Variants in TMPRSS11E observed in about 807,000 individuals in gnomAD.
The protein encoded by TMPRSS11E is transmembrane protease serine 11E.
TMPRSS11E carries 38 observed loss-of-function variants against 48.1 expected under a neutral mutation model. The observed-to-expected ratio is 0.79, with a 90% CI of 0.61 to 1.04. The LOEUF (loss-of-function observed/expected upper bound fraction) is 1.04. Ranked by LOEUF, TMPRSS11E falls within the 50% of genes least tolerant of loss-of-function variation. TMPRSS11E has a pLI of 0.00. For synonymous variants in TMPRSS11E, 158 were observed against 171.9 expected (o/e 0.92, Z 0.63); for missense variants, 530 against 510.8 (o/e 1.04, Z -0.36).
In TMPRSS11E at chr4:68,476,439, G is replaced by C. The variant is rs140473804; in HGVS notation, c.707+1G>C. The C allele has an allele frequency of 4.8e-5, 77 of 1,605,630 alleles. No individual in the cohort carries two copies. The highest frequency in any genetic ancestry group is 3.3e-4 in the Middle Eastern group (2 of 6,022). On this transcript the variant is annotated splice_donor_variant, in intron 7 of 9. Coordinates refer to ENST00000305363, the MANE Select transcript of TMPRSS11E (RefSeq NM_014058.4). LOFTEE classifies it high-confidence loss of function. ...TGAGTGCTGCTCACTGTTTTACAAC[G>C]TAAGTCTTGAAGCTTGAGAATGATT...
intron 1 of TMPRSS11E, among the ~76,000 whole-genome samples, chr4:68,460,898 T>G (rs1198627443): frequency 3.3e-5 from 5 of 151,234 alleles, no homozygotes; most frequent in African/African-American, 1.2e-4. Context: ...TTTTTTTTTT[T>G]AAGACGGAGT....
intron 9 of TMPRSS11E, among the ~76,000 whole-genome samples, chr4:68,489,406 G>T (rs1461833248): frequency 6.6e-6 from 1 of 152,178 alleles, no homozygotes; most frequent in Non-Finnish European, 1.5e-5. Flanking sequence ...ACTTTGGCGG[G>T]GTGGCAGTGG....
At position 68,472,918 on chromosome 4, in the gene TMPRSS11E, T is replaced by C. The variant is rs565913649; in HGVS notation, c.490+1295T>C. On this transcript the variant is annotated intron_variant, in intron 5 of 9. Coordinates refer to ENST00000305363, the MANE Select transcript of TMPRSS11E (RefSeq NM_014058.4). ...AAATTAAATTTGTAGATTACTAATA[T>C]GAGTTTAATTGTTTATATCATGCAA... 2.6e-5 allele frequency among the ~76,000 whole-genome samples: 4 copies of C among 152,240 alleles called. No individual in the cohort carries two copies. The South Asian group carries it at 8.3e-4, about 32-fold the overall frequency.
chr4:68,477,411 A>T lies in TMPRSS11E; in HGVS notation c.750A>T (p.Thr250=), dbSNP rs374260547. ...GATGGACTGCTTCCTTTGGAGTAAC[A>T]ATAAAACCTTCGAAAATGAAACGGG... is the stretch of plus-strand genomic sequence containing the variant. ...PARWTASFGV[T]IKPSKMKRGL... The change falls in exon 8 of 10, where the codon ACA becomes ACT. Residue 250 remains threonine (T), a synonymous_variant. Transcript: ENST00000305363. 6.2e-7 allele frequency: 1 copy of T among 1,614,110 alleles called. No homozygotes were observed. Among genetic ancestry groups the T allele is most frequent in the Non-Finnish European group, 8.5e-7 (1 of 1,179,968 alleles).
intron 9 of TMPRSS11E, among the ~76,000 whole-genome samples, 193 bp downstream of exon 9, chr4:68,479,184 T>A (rs1205098839): frequency 6.6e-6 from 1 of 152,194 alleles, no homozygotes; most frequent in African/African-American, 2.4e-5. Context: ...GTACAAAGTA[T>A]GTGTCTAATT....
intron 1 of TMPRSS11E, 79 bp downstream of exon 1, chr4:68,447,602 G>A: frequency 9.0e-7 from 1 of 1,105,576 alleles, no homozygotes; most frequent in Non-Finnish European, 1.3e-6. Flanking sequence ...ACCAAGGAAT[G>A]TGTAGATCTA....
chr4:68,448,255 C>T (rs1364588321), intron 1 of TMPRSS11E, among the ~76,000 whole-genome samples: 1 of 151,882 alleles, frequency 6.6e-6, no homozygotes, highest in African/African-American at 2.4e-5. Flanking sequence ...ACTTTGAGAA[C>T]AGTTTGAAAA....
chr4:68,474,757 C>A lies in TMPRSS11E; in HGVS notation c.525C>A (p.Asn175Lys). 1 of 1,600,064 alleles carries A rather than the reference C, an allele frequency of 6.2e-7. No homozygotes were observed. Among genetic ancestry groups the A allele is most frequent in the Non-Finnish European group, 8.5e-7 (1 of 1,175,676 alleles). Residue 175 changes from asparagine (N) to lysine (K), a missense_variant, in exon 6 of 10, where the codon AAC becomes AAA. Coordinates refer to ENST00000305363, the MANE Select transcript of TMPRSS11E (RefSeq NM_014058.4). ...AGACAGAAACAGACAGCTATCTAAA[C>A]CATTGTAAGTTTAATATATTTATTA... The part of the protein sequence containing the change: ...INKTETDSYL[N>K]HCCGTRRSKT...
intron 1 of TMPRSS11E, among the ~76,000 whole-genome samples, chr4:68,459,191 A>C (rs774112061): frequency 1.3e-5 from 2 of 152,142 alleles, no homozygotes; most frequent in Admixed American, 6.5e-5. Flanking sequence ...TCAGGAGAGC[A>C]TGTCACTAAA....
intron 1 of TMPRSS11E, among the ~76,000 whole-genome samples, chr4:68,459,552 C>T (rs2109669727): frequency 6.6e-6 from 1 of 152,218 alleles, no homozygotes; most frequent in African/African-American, 2.4e-5. Context: ...ACATGAAATG[C>T]ATATTATTCT....
chr4:68,473,327 G>A lies in TMPRSS11E; in HGVS notation c.491-1396G>A, dbSNP rs1409739562. Among the ~76,000 whole-genome samples the A allele has an allele frequency of 2.0e-5, 3 of 152,150 alleles. No individual in the cohort carries two copies. The East Asian group carries it at 5.8e-4, about 29-fold the overall frequency. On this transcript the variant is annotated intron_variant, in intron 5 of 9. Transcript: ENST00000305363. Reference sequence around the variant, plus strand: ...CTATTGTCTTTTCTATGGGTTCTAAGCAAGTTTTGGTTCAAACAGAAAACA... The same window carrying A: ...CTATTGTCTTTTCTATGGGTTCTAAACAAGTTTTGGTTCAAACAGAAAACA...
At chr4:68,467,667 G>A (rs935067514) in intron 3 of TMPRSS11E, among the ~76,000 whole-genome samples, 4 of 152,162 alleles carry the variant, frequency 2.6e-5, no homozygotes, top group Non-Finnish European at 5.9e-5. Flanking sequence ...AAGAATGGAA[G>A]TGAGACCCTG....
intron 9 of TMPRSS11E, among the ~76,000 whole-genome samples, chr4:68,487,811 G>C (rs1729601244): frequency 1.3e-5 from 2 of 151,652 alleles, no homozygotes; most frequent in South Asian, 4.2e-4. Flanking sequence ...CATGCTAATG[G>C]GCGCCTGTAA....
intron 5 of TMPRSS11E, among the ~76,000 whole-genome samples, chr4:68,471,942 G>A (rs2045098): frequency 0.4 from 60,287 of 151,596 alleles, 13,026 homozygotes; most frequent in Middle Eastern, 0.57. Flanking sequence ...CTTTCATTGT[G>A]TGTTCTGAGG....
chr4:68,479,246 G>C (rs1386618683), intron 9 of TMPRSS11E, among the ~76,000 whole-genome samples: 1 of 152,036 alleles, frequency 6.6e-6, no homozygotes, highest in Non-Finnish European at 1.5e-5. Flanking sequence ...CTACAGTTAA[G>C]ATGAAGAACT....
At chr4:68,462,069 G>T (rs1728806001) in intron 2 of TMPRSS11E, 124 bp downstream of exon 2, 4 of 1,237,166 alleles carry the variant, frequency 3.2e-6, no homozygotes, top group African/African-American at 1.5e-5. Context: ...CTGTACAAAG[G>T]GATCTTTACC....
intron 9 of TMPRSS11E, among the ~76,000 whole-genome samples, chr4:68,489,303 G>A (rs915226400): frequency 6.6e-6 from 1 of 152,176 alleles, no homozygotes; most frequent in African/African-American, 2.4e-5. Flanking sequence ...GTCTGAGGCG[G>A]TTTTCTCTAG....
At position 68,477,357 on chromosome 4, in the gene TMPRSS11E, T is replaced by A. The variant is rs1250458039; in HGVS notation, c.708-12T>A. On this transcript the variant is annotated splice_polypyrimidine_tract_variant and intron_variant, in intron 7 of 9. Transcript: ENST00000305363. ...GTAAAAAGAAATTTATTCTTCATTTTTTTCTCCCCAGATATAAGAACCCTG... is the reference window on the plus strand; with the variant it reads ...GTAAAAAGAAATTTATTCTTCATTTATTTCTCCCCAGATATAAGAACCCTG... 3 of 1,584,924 alleles carry A rather than the reference T, an allele frequency of 1.9e-6. No individual in the cohort carries two copies. In the African/African-American group the frequency reaches 4.1e-5, roughly 22 times the overall value.
At chr4:68,460,798 G>A (rs1377153461) in intron 1 of TMPRSS11E, among the ~76,000 whole-genome samples, 1 of 151,922 alleles carries the variant, frequency 6.6e-6, no homozygotes, top group Admixed American at 6.5e-5. Context: ...AAATCATGTG[G>A]ATCAATGTTT....
Sources: gnomAD v4.1 joint callset for allele counts (sites outside exome capture counted in the v4.1 genomes callset) on GRCh38, gnomAD v4.1.1 for gene constraint, MANE v1.5 for transcripts, NCBI Gene and HGNC (gene_info 2026-07-23, HGNC 2026-07-21) for gene names.